The following PPP2R2B variants were observed in gnomAD, a reference collection of about 807,000 sequenced individuals.
The protein encoded by PPP2R2B is serine/threonine-protein phosphatase 2A 55 kDa regulatory subunit B beta isoform.
A neutral mutation model predicts 46.0 loss-of-function variants in PPP2R2B; 5 were observed. The observed-to-expected ratio is 0.11, with a 90% CI of 0.06 to 0.23. The LOEUF (loss-of-function observed/expected upper bound fraction) is 0.23. Ranked by LOEUF, PPP2R2B falls within the 10% of genes least tolerant of loss-of-function variation. The probability of loss-of-function intolerance (pLI) is 1.00; values close to 1 mark genes in which losing one functional copy is unlikely to be tolerated. For synonymous variants in PPP2R2B, 215 were observed against 206.7 expected (o/e 1.04, Z -0.34); for missense variants, 367 against 575.0 (o/e 0.64, Z 3.70).
rs1165004975 is a variant in PPP2R2B at position 146,707,152 on chromosome 5, A to C, written c.71-6010T>G. The C allele has an allele frequency of 2.5e-6, 4 of 1,596,268 alleles. No individual in the cohort carries two copies. In the East Asian group the frequency reaches 8.9e-5, roughly 36 times the overall value. On this transcript the variant is annotated intron_variant, in intron 2 of 9. Coordinates refer to ENST00000394411, the MANE Select transcript of PPP2R2B (RefSeq NM_181675.4). Reference sequence around the variant, plus strand: ...CTCCAGCTTCAGCTTCTCCTGGCCCAGAGTCTCCAGCTGCCGCCTAAGGCT... The same window carrying C: ...CTCCAGCTTCAGCTTCTCCTGGCCCCGAGTCTCCAGCTGCCGCCTAAGGCT...
intron 1 of PPP2R2B, among the ~76,000 whole-genome samples, chr5:147,053,770 A>G (rs1026365074): frequency 2.6e-5 from 4 of 152,234 alleles, no homozygotes; most frequent in African/African-American, 4.8e-5. Context: ...TGTGTGGAGC[A>G]TTACAAAGAA....
intron 2 of PPP2R2B, among the ~76,000 whole-genome samples, chr5:146,732,706 A>G (rs1752304871): frequency 6.6e-6 from 1 of 152,232 alleles, no homozygotes; most frequent in South Asian, 2.1e-4. Context: ...GGAATATGCA[A>G]ATCAATAGAA....
At chr5:146,591,616 A>G (rs1258078278) in intron 9 of PPP2R2B, among the ~76,000 whole-genome samples, 3 of 149,466 alleles carry the variant, frequency 2.0e-5, no homozygotes. Flanking sequence ...CCATACTTTG[A>G]CGTTTGCTTG....
intron 1 of PPP2R2B, among the ~76,000 whole-genome samples, chr5:146,912,211 C>G (rs987905618): frequency 1.4e-5 from 2 of 141,284 alleles, no homozygotes; most frequent in Non-Finnish European, 3.0e-5. Context: ...TGCACTCCAG[C>G]CTGGGTGATA....
chr5:146,690,878 C>A (rs115765010), intron 5 of PPP2R2B, among the ~76,000 whole-genome samples: 3 of 152,184 alleles, frequency 2.0e-5, no homozygotes, highest in African/African-American at 7.2e-5. Context: ...ATTATAGTAA[C>A]GTCTGGCAGT....
chr5:146,670,572 T>A (rs1285668190), intron 5 of PPP2R2B, among the ~76,000 whole-genome samples: 1 of 152,130 alleles, frequency 6.6e-6, no homozygotes. Flanking sequence ...GTCGGCTCAC[T>A]GCAACCTCCG....
At chr5:147,028,533 C>A (rs1445764463) in intron 1 of PPP2R2B, among the ~76,000 whole-genome samples, 2 of 152,138 alleles carry the variant, frequency 1.3e-5, no homozygotes, top group East Asian at 3.9e-4. Flanking sequence ...TATTTTCATT[C>A]TTGTAAGCTG....
chr5:146,803,148 A>G (rs973316481), intron 2 of PPP2R2B, among the ~76,000 whole-genome samples: 19 of 152,158 alleles, frequency 1.2e-4, no homozygotes, highest in African/African-American at 3.9e-4. Flanking sequence ...ATCCACACCT[A>G]AATGCTTTAC....
intron 8 of PPP2R2B, among the ~76,000 whole-genome samples, chr5:146,598,304 G>T (rs1771413577): frequency 6.6e-6 from 1 of 152,080 alleles, no homozygotes; most frequent in South Asian, 2.1e-4. Flanking sequence ...TCTCTATTTG[G>T]CTTCCTAGTC....
At chr5:146,877,215 C>T (rs1170498375) in intron 2 of PPP2R2B, among the ~76,000 whole-genome samples, 1 of 152,194 alleles carries the variant, frequency 6.6e-6, no homozygotes, top group African/African-American at 2.4e-5. Flanking sequence ...TTCCTGCCCG[C>T]ACAGCACTAG....
At chr5:147,004,210 C>G (rs990089786) in intron 1 of PPP2R2B, among the ~76,000 whole-genome samples, 4 of 152,132 alleles carry the variant, frequency 2.6e-5, no homozygotes, top group Non-Finnish European at 4.4e-5. Flanking sequence ...AAAAGACTGT[C>G]CAATGAGAAA....
chr5:146,894,154 T>C (rs1180224362), intron 1 of PPP2R2B, among the ~76,000 whole-genome samples: 1 of 152,236 alleles, frequency 6.6e-6, no homozygotes, highest in African/African-American at 2.4e-5. Context: ...CGGTAGCTTC[T>C]GGGCAAATAT....
intron 5 of PPP2R2B, among the ~76,000 whole-genome samples, chr5:146,675,151 G>A (rs906096895): frequency 7.2e-5 from 11 of 151,938 alleles, no homozygotes; most frequent in Non-Finnish European, 7.4e-5. Flanking sequence ...TAGTAGAGAC[G>A]GGATTTCACC....
At chr5:147,053,208 C>A (rs1756913159) in intron 1 of PPP2R2B, among the ~76,000 whole-genome samples, 1 of 124,638 alleles carries the variant, frequency 8.0e-6, no homozygotes, top group South Asian at 3.2e-4. Flanking sequence ...TATGGCCTTC[C>A]TGCATTAAAA....
At chr5:146,752,881 T>C (rs997454452) in intron 2 of PPP2R2B, among the ~76,000 whole-genome samples, 5 of 152,088 alleles carry the variant, frequency 3.3e-5, no homozygotes, top group African/African-American at 1.2e-4. Context: ...GAAAGACACA[T>C]GGAGGTATGA....
intron 5 of PPP2R2B, among the ~76,000 whole-genome samples, chr5:146,665,054 A>T (rs1158190381): frequency 6.6e-6 from 1 of 152,164 alleles, no homozygotes; most frequent in Non-Finnish European, 1.5e-5. Flanking sequence ...CAGGCAGAAT[A>T]GATTTAGTGT....
chr5:146,635,978 T>C (rs1774794868), intron 7 of PPP2R2B, among the ~76,000 whole-genome samples: 1 of 152,162 alleles, frequency 6.6e-6, no homozygotes, highest in Non-Finnish European at 1.5e-5. Context: ...ATAACACCCA[T>C]AGTTATTTTA....
At chr5:146,900,952 G>A (rs1012054522) in intron 1 of PPP2R2B, among the ~76,000 whole-genome samples, 1 of 152,072 alleles carries the variant, frequency 6.6e-6, no homozygotes, top group African/African-American at 2.4e-5. Context: ...CCCCTGCAAA[G>A]GACATGATCT....
At chr5:146,604,989 G>A (rs926213897) in intron 7 of PPP2R2B, among the ~76,000 whole-genome samples, 1 of 152,106 alleles carries the variant, frequency 6.6e-6, no homozygotes, top group African/African-American at 2.4e-5. Flanking sequence ...AGGTACACTG[G>A]AAAGAACATC....
Sources: allele counts gnomAD v4.1 joint callset (sites outside exome capture counted in the v4.1 genomes callset), GRCh38; gene constraint gnomAD v4.1.1; transcripts MANE v1.5; gene names NCBI Gene and HGNC (gene_info 2026-07-23, HGNC 2026-07-21).